PVT1: variants seen among roughly 807,000 people sequenced by gnomAD.
The protein encoded by PVT1 is CXCR4/PVT1 fusion.
At chr8:127,847,005 T>C (rs1319555282) in intron 2 of PVT1, among the ~76,000 whole-genome samples, 1 of 128,278 alleles carries the variant, frequency 7.8e-6, no homozygotes, top group East Asian at 2.3e-4. Flanking sequence ...TTTTTTTTGT[T>C]GTTGTTGTTG....
At chr8:127,940,909 A>G (rs961621280) in intron 3 of PVT1, among the ~76,000 whole-genome samples, 7 of 152,206 alleles carry the variant, frequency 4.6e-5, no homozygotes, top group Non-Finnish European at 1.0e-4. Context: ...GCTCACGTCC[A>G]GTTATCTAGG....
chr8:128,002,472 C>T (rs1038267823), intron 4 of PVT1, among the ~76,000 whole-genome samples: 2 of 152,238 alleles, frequency 1.3e-5, no homozygotes, highest in Non-Finnish European at 2.9e-5. Context: ...GAAATGTATT[C>T]TCTCATAGTT....
chr8:127,875,087 G>A (rs1302193237), intron 2 of PVT1, among the ~76,000 whole-genome samples: 1 of 152,194 alleles, frequency 6.6e-6, no homozygotes, highest in Non-Finnish European at 1.5e-5. Context: ...GTCATTGCTA[G>A]TTGCACTCAG....
At chr8:127,868,601 G>T (rs565536633) in intron 2 of PVT1, among the ~76,000 whole-genome samples, 8 of 150,902 alleles carry the variant, frequency 5.3e-5, no homozygotes, top group Non-Finnish European at 1.2e-4. Flanking sequence ...TGTTGGCCAG[G>T]CTGGTCTCCA....
chr8:127,820,629 A>G (rs1253743843), intron 2 of PVT1, among the ~76,000 whole-genome samples: 1 of 152,072 alleles, frequency 6.6e-6, no homozygotes, highest in African/African-American at 2.4e-5. Flanking sequence ...TCAGGCAGGG[A>G]AGCCCAAGTT....
intron 4 of PVT1, among the ~76,000 whole-genome samples, chr8:128,026,511 G>T: frequency 6.6e-6 from 1 of 152,030 alleles, no homozygotes; most frequent in African/African-American, 2.4e-5. Flanking sequence ...CTTTCCCCAA[G>T]CCCCACGTCG....
intron 3 of PVT1, among the ~76,000 whole-genome samples, chr8:127,962,324 G>A (rs1816654477): frequency 6.6e-6 from 1 of 152,216 alleles, no homozygotes; most frequent in African/African-American, 2.4e-5. Context: ...ACATTTAGGG[G>A]GTTGTTGTTG....
At chr8:127,881,291 C>G (rs1384593119) in intron 2 of PVT1, among the ~76,000 whole-genome samples, 1 of 152,026 alleles carries the variant, frequency 6.6e-6, no homozygotes, top group Non-Finnish European at 1.5e-5. Flanking sequence ...TGTGAGCCCA[C>G]TGTGTGCCGG....
chr8:127,963,550 C>T (rs1276138289), intron 3 of PVT1, among the ~76,000 whole-genome samples: 1 of 152,098 alleles, frequency 6.6e-6, no homozygotes, highest in Non-Finnish European at 1.5e-5. Context: ...TTAACTTTTC[C>T]ATAGAAAGGC....
chr8:127,825,116 C>CTT (rs1814772413), intron 2 of PVT1, among the ~76,000 whole-genome samples: 1 of 40,296 alleles, frequency 2.5e-5, no homozygotes, highest in African/African-American at 2.2e-4. Context: ...CAAACACTAG[C>CTT]TAAAAAAAAA....
In PVT1 at chr8:127,911,849, C is replaced by T. The variant is rs145463507; in HGVS notation, n.782+20851C>T. ...CTCCCTGCTCCCTTTGGCCTCAGGC[C>T]CTTATCTTAGGCGATGGCCAAAAGA... On this transcript the variant is annotated intron_variant and non_coding_transcript_variant, in intron 3 of 10. Transcript: ENST00000651587. 1.4e-4 allele frequency among the ~76,000 whole-genome samples: 22 copies of T among 152,298 alleles called. No individual in the cohort carries two copies. The East Asian group carries it at 2.9e-3, about 20-fold the overall frequency.
chr8:127,878,977 A>T (rs189325867), intron 2 of PVT1, among the ~76,000 whole-genome samples: 12 of 152,218 alleles, frequency 7.9e-5, no homozygotes, highest in East Asian at 3.8e-4. Context: ...ACAGGGAGCC[A>T]GTCTGGAGAA....
intron 4 of PVT1, among the ~76,000 whole-genome samples, chr8:128,041,069 T>G (rs1175796549): frequency 6.6e-6 from 1 of 150,966 alleles, no homozygotes; most frequent in Non-Finnish European, 1.5e-5. Flanking sequence ...TTTGTGCTTG[T>G]GTGTATTTGT....
At chr8:127,947,693 T>C (rs1395017737) in intron 3 of PVT1, 1 of 456,138 alleles carries the variant, frequency 2.2e-6, no homozygotes, top group African/African-American at 2.0e-5. Flanking sequence ...GCCAGCTGTG[T>C]TGTGACTGCC....
chr8:127,797,058 A>G (rs1395120823), intron 2 of PVT1, among the ~76,000 whole-genome samples: 2 of 151,858 alleles, frequency 1.3e-5, no homozygotes, highest in African/African-American at 4.8e-5. Context: ...TTGTATTTTT[A>G]GTAGAGACGG....
chr8:127,938,833 C>G (rs575729148), intron 3 of PVT1, among the ~76,000 whole-genome samples: 1 of 152,300 alleles, frequency 6.6e-6, no homozygotes, highest in South Asian at 2.1e-4. Flanking sequence ...ATGGTGCAGT[C>G]ATCGTGTGGC....
intron 5 of PVT1, among the ~76,000 whole-genome samples, chr8:128,090,707 A>AC (rs1340059482): frequency 1.3e-5 from 2 of 151,698 alleles, no homozygotes; most frequent in South Asian, 2.1e-4. Flanking sequence ...CATTAATGTC[A>AC]CCCCCCATGC....
At chr8:128,003,343 C>T (rs542701005) in intron 4 of PVT1, among the ~76,000 whole-genome samples, 1 of 150,684 alleles carries the variant, frequency 6.6e-6, no homozygotes, top group Non-Finnish European at 1.5e-5. Flanking sequence ...CCTGCCCTCC[C>T]TTCTCCTCCT....
At chr8:128,067,206 A>G (rs1483852071) in intron 4 of PVT1, among the ~76,000 whole-genome samples, 1 of 152,212 alleles carries the variant, frequency 6.6e-6, no homozygotes, top group African/African-American at 2.4e-5. Context: ...TAACTCGGTT[A>G]TACACTCAAG....
Sources: gnomAD v4.1 joint callset for allele counts (sites outside exome capture counted in the v4.1 genomes callset) on GRCh38, gnomAD v4.1.1 for gene constraint, MANE v1.5 for transcripts, NCBI Gene and HGNC (gene_info 2026-07-23, HGNC 2026-07-21) for gene names.